The following ASIP variants were observed in gnomAD, a reference collection of about 807,000 sequenced individuals.
ASIP encodes agouti-signaling protein.
In ASIP, 11 loss-of-function variants were observed where a neutral mutation model predicts 10.3. That is an observed-to-expected ratio of 1.07 (90% CI 0.68 to 1.78). The LOEUF is 1.78. Ranked by LOEUF, ASIP falls within the 40% of genes most tolerant of loss-of-function variation. ASIP has a pLI of 0.00. For synonymous variants in ASIP, 70 were observed against 70.8 expected, an observed-to-expected ratio of 0.99 and a Z score of 0.06; for missense variants, 180 against 169.2, an observed-to-expected ratio of 1.06 and a Z score of -0.35.
In ASIP at chr20:34,210,307, C is replaced by T. The variant is rs550438050; in HGVS notation, c.-11+15547C>T. On this transcript the variant is annotated intron_variant, in intron 1 of 3. Transcript: ENST00000568305. Reference sequence around the variant, plus strand: ...AGTTCCCTGAGCCAGGGCTATGACTCCGTCTTTGGGGCCCTGTGACTCCTG... The same window carrying T: ...AGTTCCCTGAGCCAGGGCTATGACTTCGTCTTTGGGGCCCTGTGACTCCTG... Among the ~76,000 whole-genome samples, 282 of 152,338 alleles carry T rather than the reference C, an allele frequency of 1.9e-3. 1 individual carries two copies. The highest frequency in any genetic ancestry group is 6.4e-3 in the African/African-American group (266 of 41,580).
chr20:34,196,576 TA>T (rs2034858969), intron 1 of ASIP, among the ~76,000 whole-genome samples: 1 of 152,082 alleles, frequency 6.6e-6, no homozygotes. Flanking sequence ...GTACGATTCA[TA>T]GGGGAAATGT....
chr20:34,254,662 A>G (rs2035539155), intron 1 of ASIP, among the ~76,000 whole-genome samples: 2 of 152,196 alleles, frequency 1.3e-5, no homozygotes, highest in Admixed American at 1.3e-4. Flanking sequence ...TATTTTCATT[A>G]TAGGGTTCTC....
At chr20:34,268,905 C>A (rs1266833961) in intron 3 of ASIP, 86 bp from the exon 4 acceptor site, 87 of 1,513,614 alleles carry the variant, frequency 5.7e-5, no homozygotes, top group Non-Finnish European at 7.4e-5. Context: ...TCCGGGATCT[C>A]CCTAGCCCGA....
intron 1 of ASIP, among the ~76,000 whole-genome samples, chr20:34,197,300 G>A (rs1204404753): frequency 2.0e-5 from 3 of 152,122 alleles, no homozygotes; most frequent in Non-Finnish European, 2.9e-5. Flanking sequence ...GGCGGGGGTT[G>A]CGGTGAGCAG....
At chr20:34,247,033 C>T (rs865798938) in intron 1 of ASIP, among the ~76,000 whole-genome samples, 11 of 152,002 alleles carry the variant, frequency 7.2e-5, no homozygotes, top group African/African-American at 1.9e-4. Context: ...CACTCTATCA[C>T]CCAGGCTGGA....
chr20:34,260,413 C>G lies in ASIP; in HGVS notation c.39C>G (p.Val13=). The change falls in exon 2 of 4, where the codon GTC becomes GTG. Residue 13 remains valine, a synonymous_variant. Coordinates refer to ENST00000374954, the MANE Select transcript of ASIP (RefSeq NM_001672.3). The part of the protein sequence containing the change: ...VTRLLLATLL[V]FLCFFTANSH... Reference sequence around the variant, plus strand: ...GCTTACTCCTGGCCACCCTGCTGGTCTTCCTCTGCTTCTTCACTGCCAACA... The same window carrying G: ...GCTTACTCCTGGCCACCCTGCTGGTGTTCCTCTGCTTCTTCACTGCCAACA... The G allele has an allele frequency of 6.2e-7, 1 of 1,614,146 alleles. No homozygotes were observed. Among genetic ancestry groups the G allele is most frequent in the Non-Finnish European group, 8.5e-7 (1 of 1,179,986 alleles).
intron 1 of ASIP, among the ~76,000 whole-genome samples, chr20:34,227,282 A>T (rs540586966): frequency 6.6e-6 from 1 of 152,282 alleles, no homozygotes; most frequent in South Asian, 2.1e-4. Flanking sequence ...TCTGTGCAAG[A>T]CTCATATACT....
At chr20:34,251,596 T>A (rs2035478625) in intron 1 of ASIP, among the ~76,000 whole-genome samples, 1 of 152,204 alleles carries the variant, frequency 6.6e-6, no homozygotes, top group Admixed American at 6.5e-5. Flanking sequence ...CTATTTAAGC[T>A]GCCCAGTGGC....
intron 1 of ASIP, among the ~76,000 whole-genome samples, chr20:34,221,759 T>C (rs2035049367): frequency 6.6e-6 from 1 of 152,038 alleles, no homozygotes; most frequent in African/African-American, 2.4e-5. Flanking sequence ...ATTCTGGCAG[T>C]GAAGGTCTCT....
intron 2 of ASIP, among the ~76,000 whole-genome samples, chr20:34,261,791 C>G (rs978374291): frequency 1.3e-5 from 2 of 151,156 alleles, no homozygotes; most frequent in African/African-American, 4.9e-5. Context: ...GACAGACAGA[C>G]CCTGACTCAA....
chr20:34,260,423 T>G lies in ASIP; in HGVS notation c.49T>G (p.Phe17Val). Reference sequence around the variant, plus strand: ...GGCCACCCTGCTGGTCTTCCTCTGCTTCTTCACTGCCAACAGCCACCTGCC... The same window carrying G: ...GGCCACCCTGCTGGTCTTCCTCTGCGTCTTCACTGCCAACAGCCACCTGCC... ...LLATLLVFLCFFTANSHLPPE... is the reference protein window; with the variant it reads ...LLATLLVFLCVFTANSHLPPE... Residue 17 changes from phenylalanine (F) to valine (V), a missense_variant, in exon 2 of 4, where the codon TTC (phenylalanine) becomes GTC (valine). Phe to Val is a conservative substitution (Grantham distance 50). Transcript: ENST00000374954. 6.2e-7 allele frequency: 1 copy of G among 1,614,150 alleles called. No homozygotes were observed. Among genetic ancestry groups the G allele is most frequent in the South Asian group, 1.1e-5 (1 of 91,068 alleles).
intron 1 of ASIP, among the ~76,000 whole-genome samples, chr20:34,205,539 G>A (rs959666757): frequency 1.3e-5 from 2 of 151,038 alleles, no homozygotes; most frequent in Admixed American, 1.3e-4. Context: ...AAGAGCGAAA[G>A]AACAAAGCTT....
At chr20:34,235,871 AAGG>A (rs1306301665) in intron 1 of ASIP, among the ~76,000 whole-genome samples, 1,052 of 19,720 alleles carry the variant, frequency 0.053, 21 homozygotes, top group East Asian at 0.12. Flanking sequence ...GAAGGAAAGG[AAGG>A]AAGGAAGGAA....
chr20:34,264,539 A>C (rs963443974), intron 3 of ASIP, among the ~76,000 whole-genome samples: 1 of 152,218 alleles, frequency 6.6e-6, no homozygotes, highest in Non-Finnish European at 1.5e-5. Flanking sequence ...CAAGAAGCAA[A>C]GAAGAGTCAT....
intron 1 of ASIP, among the ~76,000 whole-genome samples, chr20:34,248,199 C>A (rs2035412873): frequency 6.6e-6 from 1 of 150,476 alleles, no homozygotes; most frequent in Non-Finnish European, 1.5e-5. Context: ...AGCAAGACTC[C>A]ATCTAAAAAA....
intron 1 of ASIP, among the ~76,000 whole-genome samples, chr20:34,204,600 C>T (rs1024363290): frequency 1.3e-5 from 2 of 152,154 alleles, no homozygotes; most frequent in African/African-American, 4.8e-5. Flanking sequence ...AAATAGCAGG[C>T]ATCCTTATCT....
intron 1 of ASIP, chr20:34,214,346 AAC>A (rs1324732153): frequency 3.1e-6 from 4 of 1,308,194 alleles, no homozygotes; most frequent in East Asian, 2.3e-5. Flanking sequence ...CATATCTAAC[AAC>A]AGTTTCGAAG....
intron 1 of ASIP, among the ~76,000 whole-genome samples, chr20:34,223,297 AG>A (rs1024273504): frequency 1.5e-4 from 23 of 148,856 alleles, no homozygotes; most frequent in Non-Finnish European, 1.0e-4. Flanking sequence ...CTGGGATGTG[AG>A]GAGCGCCTCT....
chr20:34,209,333 C>T (rs1370985810), intron 1 of ASIP, among the ~76,000 whole-genome samples: 1 of 152,144 alleles, frequency 6.6e-6, no homozygotes, highest in African/African-American at 2.4e-5. Context: ...ACGGAGCAGG[C>T]AGGAGGCCTA....
Sources: gnomAD v4.1 joint callset for allele counts (sites outside exome capture counted in the v4.1 genomes callset) on GRCh38, gnomAD v4.1.1 for gene constraint, MANE v1.5 for transcripts, NCBI Gene and HGNC (gene_info 2026-07-23, HGNC 2026-07-21) for gene names.